OR9Q1: variants seen among roughly 807,000 people sequenced by gnomAD.
The protein encoded by OR9Q1 is olfactory receptor family 9 subfamily Q member 1, also known as olfactory receptor 9Q1.
For missense variants in OR9Q1, 374 were observed against 378.8 expected, an observed-to-expected ratio of 0.99 and a Z score of 0.11; for synonymous variants, 153 against 148.6, an observed-to-expected ratio of 1.03 and a Z score of -0.22.
rs1853937234 is a variant in OR9Q1 at position 58,114,976 on chromosome 11, T to C, written c.-15+59029T>C. Among the ~76,000 whole-genome samples, 3 of 152,136 alleles carry C rather than the reference T, an allele frequency of 2.0e-5. No homozygotes were observed. In the South Asian group the frequency reaches 6.2e-4, roughly 32 times the overall value. ...AGCCTGGCTGAACTCCTCATAGGCT[T>C]GCCTGTCCACATGGCTTACCTGTCC... On this transcript the variant is annotated intron_variant, in intron 2 of 2. Coordinates refer to ENST00000335397, the MANE Select transcript of OR9Q1 (RefSeq NM_001005212.4).
Position 58,148,365 on chromosome 11 carries a change from A to G in OR9Q1, c.-14-31066A>G, listed in dbSNP as rs919604817. Among the ~76,000 whole-genome samples the G allele has an allele frequency of 3.3e-5, 5 of 152,170 alleles. No homozygotes were observed. The South Asian group carries it at 1.0e-3, about 32-fold the overall frequency. Reference sequence around the variant, plus strand: ...GGAATGCATTTTGTCTGAGGGAGCCACAGTGCTTCAGATAAGAGCAAAAAC... The same window carrying G: ...GGAATGCATTTTGTCTGAGGGAGCCGCAGTGCTTCAGATAAGAGCAAAAAC... On this transcript the variant is annotated intron_variant, in intron 2 of 2. Transcript: ENST00000335397.
intron 1 of OR9Q1, chr11:58,031,025 G>A: frequency 6.2e-7 from 1 of 1,614,160 alleles, no homozygotes; most frequent in Non-Finnish European, 8.5e-7. Flanking sequence ...CATCCATGAA[G>A]CACACCTCCT....
intron 1 of OR9Q1, among the ~76,000 whole-genome samples, chr11:58,053,473 A>G (rs1225580849): frequency 2.1e-5 from 3 of 140,542 alleles, no homozygotes; most frequent in African/African-American, 5.2e-5. Flanking sequence ...GGGGAGGGAT[A>G]GCATTAGGAG....
chr11:58,031,480 T>C (rs888919465), intron 1 of OR9Q1: 21 of 1,614,052 alleles, frequency 1.3e-5, no homozygotes, highest in Non-Finnish European at 1.8e-5. Context: ...ATGGCCCAAA[T>C]GTCATTGACC....
intron 2 of OR9Q1, among the ~76,000 whole-genome samples, chr11:58,071,544 C>T (rs983936506): frequency 6.6e-6 from 1 of 151,786 alleles, no homozygotes; most frequent in African/African-American, 2.4e-5. Flanking sequence ...GGGGAAAGAG[C>T]CTAGCGAAGT....
chr11:58,029,842 C>CCT lies in OR9Q1; in HGVS notation c.-93+5739_-93+5740dup, dbSNP rs1343220149. 4.5e-4 allele frequency among the ~76,000 whole-genome samples: 46 copies of CCT among 102,954 alleles called. 1 individual carries two copies. The highest frequency in any genetic ancestry group is 1.3e-3 in the African/African-American group (40 of 30,476). The allele number at this position is 102,954 out of a possible 152,430, so 67.5% of individuals were successfully genotyped here. The stretch of plus-strand genomic sequence containing the variant: ...TCCTAACCCAGCCTTCCTGCCTCCT[C>CCT]CTTTTTTTTTTTTTTTTGACATTAA... On this transcript the variant is annotated intron_variant, in intron 1 of 2. Transcript: ENST00000335397.
chr11:58,039,115 A>G (rs1853135142), intron 1 of OR9Q1, among the ~76,000 whole-genome samples: 1 of 151,922 alleles, frequency 6.6e-6, no homozygotes, highest in South Asian at 2.1e-4. Context: ...TCAGCCTCCC[A>G]AGTAACTGGG....
chr11:58,133,351 G>A (rs1470081252), intron 2 of OR9Q1, among the ~76,000 whole-genome samples: 4 of 152,314 alleles, frequency 2.6e-5, no homozygotes, highest in African/African-American at 9.6e-5. Flanking sequence ...TGCAGCAGGA[G>A]GGCTGAAGGC....
rs143600693 is a variant in OR9Q1, at chr11:58,160,094, G to A, written c.-14-19337G>A. Among the ~76,000 whole-genome samples, 68 of 152,350 alleles carry A rather than the reference G, an allele frequency of 4.5e-4. No individual in the cohort carries two copies. The East Asian group carries it at 0.013, about 29-fold the overall frequency. ...AACTCAGCCACCATTTTGTGAGGAAGCCTAGACTACATGAAGAGGCCATGT... is the reference window on the plus strand; with the variant it reads ...AACTCAGCCACCATTTTGTGAGGAAACCTAGACTACATGAAGAGGCCATGT... On this transcript the variant is annotated intron_variant, in intron 2 of 2. Coordinates refer to ENST00000335397, the MANE Select transcript of OR9Q1 (RefSeq NM_001005212.4).
chr11:58,036,212 G>A (rs56023680), intron 1 of OR9Q1, among the ~76,000 whole-genome samples: 24,340 of 152,088 alleles, frequency 0.16, 2,079 homozygotes, highest in Non-Finnish European at 0.2. Context: ...TGTGTGTTCC[G>A]ACTGCTTCAC....
chr11:58,149,806 T>C (rs1411188410), intron 2 of OR9Q1, among the ~76,000 whole-genome samples: 3 of 152,246 alleles, frequency 2.0e-5, no homozygotes, highest in African/African-American at 4.8e-5. Flanking sequence ...CTGCTTTTTA[T>C]AAATCAATAA....
intron 2 of OR9Q1, among the ~76,000 whole-genome samples, chr11:58,098,187 A>T (rs1437199793): frequency 6.6e-6 from 1 of 152,162 alleles, no homozygotes. Flanking sequence ...AATCATCTGC[A>T]CCCGGGGTTT....
At position 58,110,545 on chromosome 11, in the gene OR9Q1, G is replaced by A. The variant is rs114481383; in HGVS notation, c.-15+54598G>A. ...AATAATCCTGGAATAGCTCTTATGA[G>A]TTTCACTCTTGAAATGAATTATCTG... is the stretch of plus-strand genomic sequence containing the variant. On this transcript the variant is annotated intron_variant, in intron 2 of 2. Coordinates refer to ENST00000335397, the MANE Select transcript of OR9Q1 (RefSeq NM_001005212.4). 1.0e-3 allele frequency among the ~76,000 whole-genome samples: 158 copies of A among 152,236 alleles called. 1 individual carries two copies. Among genetic ancestry groups the A allele is most frequent in the African/African-American group, 3.4e-3 (142 of 41,554 alleles).
intron 1 of OR9Q1, among the ~76,000 whole-genome samples, chr11:58,025,875 C>T (rs79449123): frequency 0.026 from 3,993 of 152,144 alleles, 70 homozygotes; most frequent in East Asian, 0.061. Context: ...CCTGTCTCTC[C>T]CCTGGCTTGC....
chr11:58,080,168 G>A (rs1368138427), intron 2 of OR9Q1, among the ~76,000 whole-genome samples: 2 of 152,094 alleles, frequency 1.3e-5, no homozygotes, highest in African/African-American at 4.8e-5. Context: ...GTAGTCTGCA[G>A]TGTCTATTGT....
At chr11:58,093,563 G>A (rs2122800) in intron 2 of OR9Q1, among the ~76,000 whole-genome samples, 119,971 of 151,796 alleles carry the variant, frequency 0.79, 47,456 homozygotes, top group East Asian at 0.84. Flanking sequence ...GATTGAGACC[G>A]TACTGGCTAA....
intron 2 of OR9Q1, among the ~76,000 whole-genome samples, chr11:58,092,030 A>C (rs995854504): frequency 1.3e-5 from 2 of 149,650 alleles, no homozygotes; most frequent in African/African-American, 4.9e-5. Flanking sequence ...TTTTGAGCCT[A>C]TGTGTTTCTT....
chr11:58,112,970 C>T (rs985701500), intron 2 of OR9Q1, among the ~76,000 whole-genome samples: 10 of 152,068 alleles, frequency 6.6e-5, no homozygotes, highest in Non-Finnish European at 1.3e-4. Flanking sequence ...AGACCCAGGA[C>T]TTATGGACAC....
intron 2 of OR9Q1, among the ~76,000 whole-genome samples, chr11:58,116,519 T>A (rs1220909154): frequency 6.6e-6 from 1 of 152,258 alleles, no homozygotes; most frequent in Non-Finnish European, 1.5e-5. Context: ...AAATTCTTGC[T>A]AACTTAGTGA....
Sources: allele counts gnomAD v4.1 joint callset (sites outside exome capture counted in the v4.1 genomes callset), GRCh38; gene constraint gnomAD v4.1.1; transcripts MANE v1.5; gene names NCBI Gene and HGNC (gene_info 2026-07-23, HGNC 2026-07-21).